DLGAP2: variants seen among roughly 807,000 people sequenced by gnomAD.
DLGAP2 encodes disks large-associated protein 2.
Under a neutral mutation model 100.3 loss-of-function variants are expected in DLGAP2, and 26 were observed. The ratio of observed to expected loss-of-function variants is 0.26; its 90% CI spans 0.19 to 0.36. DLGAP2 has a LOEUF of 0.36. DLGAP2 is among the 10% of genes least tolerant of loss of function. The pLI is 1.00. For synonymous variants in DLGAP2, 886 were observed against 630.1 expected (o/e 1.41, Z -6.08); for missense variants, 1,858 against 1,453.2 (o/e 1.28, Z -4.53).
intron 4 of DLGAP2, among the ~76,000 whole-genome samples, chr8:1,536,652 G>C (rs2130474022): frequency 6.6e-6 from 1 of 152,252 alleles, no homozygotes; most frequent in African/African-American, 2.4e-5. Context: ...AGATGTCAAG[G>C]CCAGCCCTGT....
chr8:749,078 C>T (rs1337267626), intron 1 of DLGAP2, among the ~76,000 whole-genome samples: 1 of 152,202 alleles, frequency 6.6e-6, no homozygotes, highest in African/African-American at 2.4e-5. Flanking sequence ...TAGCTCAGTG[C>T]AGCCTTGACT....
intron 4 of DLGAP2, among the ~76,000 whole-genome samples, chr8:1,506,347 G>A (rs1380878897): frequency 1.3e-5 from 2 of 152,182 alleles, no homozygotes; most frequent in Non-Finnish European, 2.9e-5. Flanking sequence ...TAGGTTCTTG[G>A]TCTCACTGAC....
At chr8:786,336 T>C (rs1821865067) in intron 1 of DLGAP2, among the ~76,000 whole-genome samples, 1 of 151,998 alleles carries the variant, frequency 6.6e-6, no homozygotes, top group Admixed American at 6.6e-5. Context: ...GGCTCCCACT[T>C]CTCGCGGCCG....
intron 1 of DLGAP2, among the ~76,000 whole-genome samples, chr8:759,393 C>T (rs961746693): frequency 2.0e-5 from 3 of 152,072 alleles, no homozygotes; most frequent in South Asian, 2.1e-4. Flanking sequence ...CCATGGTTGA[C>T]GTGGCTCCCC....
At chr8:1,677,742 CA>C (rs1798843212) in intron 11 of DLGAP2, among the ~76,000 whole-genome samples, 1 of 152,206 alleles carries the variant, frequency 6.6e-6, no homozygotes, top group Non-Finnish European at 1.5e-5. Context: ...ATTTTGCATA[CA>C]GGGGTTAATG....
chr8:1,068,530 C>G (rs983076190), intron 2 of DLGAP2, among the ~76,000 whole-genome samples: 1 of 152,200 alleles, frequency 6.6e-6, no homozygotes, highest in Non-Finnish European at 1.5e-5. Flanking sequence ...CCGGTGGGGA[C>G]TAAGGCTGTC....
At chr8:1,677,745 G>C (rs896535349) in intron 11 of DLGAP2, among the ~76,000 whole-genome samples, 2 of 152,182 alleles carry the variant, frequency 1.3e-5, no homozygotes, top group Admixed American at 6.5e-5. Flanking sequence ...TTGCATACAG[G>C]GGTTAATGGG....
At chr8:782,171 C>T (rs375754405) in intron 1 of DLGAP2, among the ~76,000 whole-genome samples, 8 of 151,674 alleles carry the variant, frequency 5.3e-5, no homozygotes, top group African/African-American at 1.7e-4. Flanking sequence ...TTGTGTGCAC[C>T]TCCCAGATAT....
At chr8:1,665,035 C>G (rs994582845) in intron 8 of DLGAP2, among the ~76,000 whole-genome samples, 2 of 152,110 alleles carry the variant, frequency 1.3e-5, no homozygotes, top group Non-Finnish European at 2.9e-5. Context: ...TACATTTTTA[C>G]AAAGAAATCA....
chr8:1,098,970 G>A (rs1052594372), intron 2 of DLGAP2, among the ~76,000 whole-genome samples: 6 of 152,204 alleles, frequency 3.9e-5, no homozygotes, highest in Non-Finnish European at 8.8e-5. Flanking sequence ...GGTGGGATAG[G>A]TGTGCATTCC....
intron 1 of DLGAP2, among the ~76,000 whole-genome samples, chr8:893,720 G>A (rs544255176): frequency 7.9e-5 from 12 of 152,354 alleles, no homozygotes; most frequent in South Asian, 4.1e-4. Flanking sequence ...TCTGTTAACC[G>A]TCGTTCTTTT....
At chr8:1,640,279 G>A (rs949350106) in intron 8 of DLGAP2, among the ~76,000 whole-genome samples, 2 of 152,024 alleles carry the variant, frequency 1.3e-5, no homozygotes, top group African/African-American at 4.8e-5. Context: ...TTCACCCTGG[G>A]AAGCCCAGGT....
chr8:954,775 G>T (rs1301964715), intron 2 of DLGAP2, among the ~76,000 whole-genome samples: 1 of 152,190 alleles, frequency 6.6e-6, no homozygotes, highest in Non-Finnish European at 1.5e-5. Context: ...GAAGAAGATG[G>T]CCAGGGAGTT....
At chr8:1,426,126 C>G (rs745683431) in intron 3 of DLGAP2, among the ~76,000 whole-genome samples, 1 of 152,136 alleles carries the variant, frequency 6.6e-6, no homozygotes, top group Non-Finnish European at 1.5e-5. Flanking sequence ...GAAACCGGCT[C>G]AGCTGCTGGA....
intron 2 of DLGAP2, among the ~76,000 whole-genome samples, chr8:1,001,400 C>T (rs979249736): frequency 6.6e-6 from 1 of 152,190 alleles, no homozygotes; most frequent in African/African-American, 2.4e-5. Context: ...TTTAGGCCAA[C>T]ATTTTGACAA....
At chr8:1,210,309 G>T (rs1204478906) in intron 2 of DLGAP2, among the ~76,000 whole-genome samples, 1 of 152,026 alleles carries the variant, frequency 6.6e-6, no homozygotes, top group Non-Finnish European at 1.5e-5. Flanking sequence ...AGGGAGGTTT[G>T]GTTGTCTGGA....
At chr8:1,226,961 G>T (rs371375674) in intron 2 of DLGAP2, among the ~76,000 whole-genome samples, 1 of 151,330 alleles carries the variant, frequency 6.6e-6, no homozygotes, top group East Asian at 2.0e-4. Flanking sequence ...CGTTCCTAAG[G>T]AAAGTAAAAA....
At chr8:1,245,065 A>G (rs1230767629) in intron 2 of DLGAP2, among the ~76,000 whole-genome samples, 1 of 152,172 alleles carries the variant, frequency 6.6e-6, no homozygotes, top group African/African-American at 2.4e-5. Context: ...ACGTGTTAGG[A>G]TGGCCATAAT....
chr8:1,426,041 GA>G (rs1184168159), intron 3 of DLGAP2, among the ~76,000 whole-genome samples: 1 of 152,218 alleles, frequency 6.6e-6, no homozygotes, highest in Admixed American at 6.5e-5. Context: ...GCATGAGAAT[GA>G]GACCAAACTC....
Sources: gnomAD v4.1 joint callset for allele counts (sites outside exome capture counted in the v4.1 genomes callset) on GRCh38, gnomAD v4.1.1 for gene constraint, MANE v1.5 for transcripts, NCBI Gene and HGNC (gene_info 2026-07-23, HGNC 2026-07-21) for gene names.